ZFYVE26: variants seen among roughly 807,000 people sequenced by gnomAD.
ZFYVE26 encodes the protein zinc finger FYVE-type containing 26, also known as zinc finger FYVE domain-containing protein 26.
A neutral mutation model predicts 276.5 loss-of-function variants in ZFYVE26; 181 were observed. The observed-to-expected ratio is 0.65, with a 90% confidence interval of 0.58 to 0.74. ZFYVE26 has a LOEUF of 0.74. ZFYVE26 is among the 30% of genes least tolerant of loss of function. The pLI, the probability that ZFYVE26 is intolerant of heterozygous loss-of-function variation, is 0.00. For missense variants in ZFYVE26, 2,821 were observed against 3,097.9 expected (o/e 0.91, Z 2.12); for synonymous variants, 1,129 against 1,203.1 (o/e 0.94, Z 1.27).
chr14:67,742,871 A>T (rs1594874017), downstream of ZFYVE26, among the ~76,000 whole-genome samples: 4 of 90,084 alleles, frequency 4.4e-5, no homozygotes, highest in Admixed American at 2.9e-4. Context: ...TCAGGGTCTT[A>T]CTCTGTCTCC....
chr14:67,811,709 TAGAG>T (rs1298593419), intron 3 of ZFYVE26, among the ~76,000 whole-genome samples: 2 of 151,160 alleles, frequency 1.3e-5, no homozygotes, highest in Admixed American at 6.6e-5. Context: ...TGTTTTATCC[TAGAG>T]AGAGATATGT....
chr14:67,808,543 G>T (rs2040231209), intron 4 of ZFYVE26, among the ~76,000 whole-genome samples: 1 of 151,958 alleles, frequency 6.6e-6, no homozygotes, highest in South Asian at 2.1e-4. Flanking sequence ...TCCTCTGTTT[G>T]CAGGGTGAGG....
chr14:67,797,110 A>G (rs956444710), intron 12 of ZFYVE26: 2 of 157,078 alleles, frequency 1.3e-5, no homozygotes, highest in African/African-American at 4.8e-5. Context: ...TATAGAAAAA[A>G]AGAAATCCAT....
At position 67,785,131 on chromosome 14, in the gene ZFYVE26, A is replaced by G; in HGVS notation, c.3451T>C (p.Tyr1151His). Reference sequence around the variant, plus strand: ...CAGTAACTGAAGAAGGTGCCCAAGTAGTCCATCTGCCTGCTGCCTGATGGG... The same window carrying G: ...CAGTAACTGAAGAAGGTGCCCAAGTGGTCCATCTGCCTGCTGCCTGATGGG... ...QTPSGSRQMD[Y>H]LGTFFSYCST... Residue 1151 changes from tyrosine (Y) to histidine (H), a missense_variant, in exon 19 of 42, where the codon TAC (tyrosine) becomes CAC (histidine). Transcript: ENST00000347230. 1 of 1,614,242 alleles carries G rather than the reference A, an allele frequency of 6.2e-7. No individual in the cohort carries two copies. The highest frequency in any genetic ancestry group is 8.5e-7 in the Non-Finnish European group (1 of 1,180,044).
At chr14:67,770,873 A>G (rs2039191841) in intron 28 of ZFYVE26, among the ~76,000 whole-genome samples, 1 of 152,194 alleles carries the variant, frequency 6.6e-6, no homozygotes, top group South Asian at 2.1e-4. Flanking sequence ...GGCTTGTCAT[A>G]TGTCTCAACA....
chr14:67,809,408 C>CTTTTTTTT lies in ZFYVE26; in HGVS notation c.274-127_274-120dup, dbSNP rs10580613. On this transcript the variant is annotated intron_variant, in intron 3 of 41. Coordinates refer to ENST00000347230, the MANE Select transcript of ZFYVE26 (RefSeq NM_015346.4). The stretch of plus-strand genomic sequence containing the variant: ...TGCTATTTCTCTAAGATGAAGCACT[C>CTTTTTTTT]TTTTTTTTTTTTTTTTTTTTTTTTT... 2.2e-4 allele frequency: 46 copies of CTTTTTTTT among 213,482 alleles called. 1 individual carries two copies. Among genetic ancestry groups the CTTTTTTTT allele is most frequent in the African/African-American group, 1.6e-3 (43 of 27,556 alleles). 13.2% of individuals were successfully genotyped at this position (213,482 alleles called of 1,614,324 possible). A position where few individuals can be genotyped will look rare whatever the true frequency, so the allele number is the denominator to read the frequency against.
rs2038540628 is a variant in ZFYVE26, at chr14:67,748,343, T to C, written c.*93A>G. Reference sequence around the variant, plus strand: ...CCAACCTAGGGCAGAGCCAGAGAAGTCCCACTCCACTGGAGGAAAGAGGTG... The same window carrying C: ...CCAACCTAGGGCAGAGCCAGAGAAGCCCCACTCCACTGGAGGAAAGAGGTG... On this transcript the variant is annotated 3_prime_UTR_variant, in exon 42 of 42. Coordinates refer to ENST00000347230, the MANE Select transcript of ZFYVE26 (RefSeq NM_015346.4). The C allele has an allele frequency of 7.1e-7, 1 of 1,404,418 alleles. No individual in the cohort carries two copies. Among genetic ancestry groups the C allele is most frequent in the Admixed American group, 1.9e-5 (1 of 52,548 alleles). The allele number at this position is 1,404,418 out of a possible 1,614,324, so 87.0% of individuals were successfully genotyped here. A position where few individuals can be genotyped will look rare whatever the true frequency, so the allele number is the denominator to read the frequency against.
chr14:67,788,381 G>A (rs1566886666), intron 16 of ZFYVE26, among the ~76,000 whole-genome samples: 1 of 152,182 alleles, frequency 6.6e-6, no homozygotes, highest in Admixed American at 6.5e-5. Flanking sequence ...GGGGGACAGA[G>A]CGAGATTCTA....
chr14:67,792,257 A>T (rs2039833532), intron 14 of ZFYVE26, among the ~76,000 whole-genome samples: 1 of 152,186 alleles, frequency 6.6e-6, no homozygotes, highest in Non-Finnish European at 1.5e-5. Flanking sequence ...ATTCTGACCT[A>T]CATGTTACGT....
chr14:67,804,315 C>G, intron 8 of ZFYVE26, 51 bp from the exon 9 acceptor site: 1 of 1,597,534 alleles, frequency 6.3e-7, no homozygotes, highest in East Asian at 2.2e-5. Context: ...TATTATTGCT[C>G]GAAGAAAGAT....
chr14:67,795,669 G>T (rs1487652113), intron 12 of ZFYVE26, among the ~76,000 whole-genome samples: 2 of 152,082 alleles, frequency 1.3e-5, no homozygotes, highest in African/African-American at 4.8e-5. Context: ...AAGCCATAAT[G>T]AAAACTTGAT....
chr14:67,809,930 G>A (rs865905760), intron 3 of ZFYVE26, among the ~76,000 whole-genome samples: 5 of 151,838 alleles, frequency 3.3e-5, no homozygotes, highest in Non-Finnish European at 5.9e-5. Context: ...GACTATAGGC[G>A]TGTGCCACCA....
chr14:67,782,000 A>G (rs1473980664), intron 21 of ZFYVE26, among the ~76,000 whole-genome samples: 1 of 152,166 alleles, frequency 6.6e-6, no homozygotes, highest in Non-Finnish European at 1.5e-5. Context: ...TTCCACACCC[A>G]TTTCACAGAT....
In ZFYVE26 at chr14:67,783,042, G is replaced by T; in HGVS notation, c.4110C>A (p.Leu1370=). The change falls in exon 21 of 42, where the codon CTC becomes CTA. Residue 1370 remains leucine, a synonymous_variant. Transcript: ENST00000347230. ...LEQFPLFEAF[L]LAAWEPLRGS... ...CTCGCAGGGGCTCCCAGGCAGCCAG[G>T]AGGAAGGCCTCAAACAGAGGGAATT... 1 of 1,614,206 alleles carries T rather than the reference G, an allele frequency of 6.2e-7. No homozygotes were observed. The highest frequency in any genetic ancestry group is 1.6e-4 in the Middle Eastern group (1 of 6,062).
At chr14:67,732,168 G>A (rs907778078) in intron 13 of ZFYVE26, among the ~76,000 whole-genome samples, 90 of 151,034 alleles carry the variant, frequency 6.0e-4, no homozygotes, top group African/African-American at 2.0e-3. Flanking sequence ...TGGGTGTGGC[G>A]GCTCATGCCT....
In ZFYVE26 at chr14:67,748,188, T is replaced by C; in HGVS notation, c.*248A>G. ...TGTGCACACATACTCACTCACTCAC[T>C]CTGAGGTAGAAAGAACTGGCCATCT... On this transcript the variant is annotated 3_prime_UTR_variant, in exon 42 of 42. Transcript: ENST00000347230. The C allele has an allele frequency of 5.3e-6, 3 of 568,786 alleles. No homozygotes were observed. The highest frequency in any genetic ancestry group is 9.5e-6 in the Non-Finnish European group (3 of 316,472). 35.2% of individuals were successfully genotyped at this position (568,786 alleles called of 1,614,324 possible).
At position 67,781,521 on chromosome 14, in the gene ZFYVE26, C is replaced by T; in HGVS notation, c.4381G>A (p.Gly1461Ser). The change falls in exon 22 of 42, where the codon GGT becomes AGT. Residue 1461 changes from glycine (G) to serine (S), a missense_variant. Transcript: ENST00000347230. ...LSCAVACDKE[G>S]WQYLFPVKDA... is the part of the protein sequence containing the mutation. Reference sequence around the variant, plus strand: ...TTCACGGGAAACAGGTATTGCCAACCTTCTTTGTCTATAAGACAAAAAAGA... The same window carrying T: ...TTCACGGGAAACAGGTATTGCCAACTTTCTTTGTCTATAAGACAAAAAAGA... 1 of 1,614,094 alleles carries T rather than the reference C, an allele frequency of 6.2e-7. No homozygotes were observed.
intron 6 of ZFYVE26, among the ~76,000 whole-genome samples, chr14:67,805,982 G>A (rs747904140): frequency 3.3e-5 from 5 of 152,192 alleles, no homozygotes; most frequent in African/African-American, 4.8e-5. Flanking sequence ...AGCCGAGATC[G>A]CGCCACTCCA....
intron 12 of ZFYVE26, among the ~76,000 whole-genome samples, chr14:67,794,686 T>C (rs917969228): frequency 6.6e-6 from 1 of 152,208 alleles, no homozygotes; most frequent in African/African-American, 2.4e-5. Context: ...GGCTTACACC[T>C]GTAATCCCAG....
Sources: allele counts gnomAD v4.1 joint callset (sites outside exome capture counted in the v4.1 genomes callset), GRCh38; gene constraint gnomAD v4.1.1; transcripts MANE v1.5; gene names NCBI Gene and HGNC (gene_info 2026-07-23, HGNC 2026-07-21).